The following NRP1 variants were observed in gnomAD, a reference collection of about 807,000 sequenced individuals.
The protein encoded by NRP1 is neuropilin-1.
NRP1 carries 35 observed loss-of-function variants against 106.7 expected under a neutral mutation model. The ratio of observed to expected loss-of-function variants is 0.33; its 90% CI spans 0.25 to 0.43. The LOEUF (loss-of-function observed/expected upper bound fraction) is 0.43. Ranked by LOEUF, NRP1 falls within the 20% of genes least tolerant of loss-of-function variation. The probability of loss-of-function intolerance (pLI) is 1.00; values close to 1 mark genes in which losing one functional copy is unlikely to be tolerated. For synonymous variants in NRP1, 437 were observed against 417.9 expected, an observed-to-expected ratio of 1.05 and a Z score of -0.56; for missense variants, 1,024 against 1,170.4, an observed-to-expected ratio of 0.87 and a Z score of 1.83.
chr10:33,305,915 C>T (rs1846120619), intron 2 of NRP1, among the ~76,000 whole-genome samples: 1 of 151,960 alleles, frequency 6.6e-6, no homozygotes, highest in South Asian at 2.1e-4. Context: ...ACTACAGGCA[C>T]ATACCACCAC....
At chr10:33,187,615 G>A (rs933389935) in intron 13 of NRP1, among the ~76,000 whole-genome samples, 10 of 152,066 alleles carry the variant, frequency 6.6e-5, no homozygotes, top group African/African-American at 1.5e-4. Context: ...CCCCCACTGG[G>A]AACATTTCCT....
chr10:33,323,399 C>A (rs1847662403), intron 2 of NRP1, among the ~76,000 whole-genome samples: 1 of 152,090 alleles, frequency 6.6e-6, no homozygotes, highest in South Asian at 2.1e-4. Context: ...TCTCCATGAA[C>A]TTGAACTCTA....
At chr10:33,300,712 C>T (rs748230341) in intron 2 of NRP1, among the ~76,000 whole-genome samples, 34 of 152,172 alleles carry the variant, frequency 2.2e-4, no homozygotes, top group Non-Finnish European at 4.7e-4. Context: ...AGAGGCTAGT[C>T]AGAAACTCAA....
At chr10:33,239,666 A>T (rs988538768) in intron 6 of NRP1, among the ~76,000 whole-genome samples, 2 of 152,156 alleles carry the variant, frequency 1.3e-5, no homozygotes, top group Non-Finnish European at 2.9e-5. Flanking sequence ...CTTTTTATTT[A>T]TTTCTCAAAT....
At chr10:33,196,591 T>A (rs1836802611) in intron 12 of NRP1, among the ~76,000 whole-genome samples, 1 of 152,214 alleles carries the variant, frequency 6.6e-6, no homozygotes, top group Non-Finnish European at 1.5e-5. Flanking sequence ...TTCTGTTTCA[T>A]CTCTTGGTTT....
intron 3 of NRP1, among the ~76,000 whole-genome samples, chr10:33,266,038 A>C (rs1259843375): frequency 6.6e-6 from 1 of 152,018 alleles, no homozygotes; most frequent in Non-Finnish European, 1.5e-5. Context: ...TGGGGAAAAA[A>C]CCGCTTTGGC....
At chr10:33,311,426 G>A (rs1362810152) in intron 2 of NRP1, among the ~76,000 whole-genome samples, 1 of 152,188 alleles carries the variant, frequency 6.6e-6, no homozygotes, top group East Asian at 1.9e-4. Flanking sequence ...GAGGCCACTC[G>A]GAGAACAGCC....
chr10:33,182,580 T>C, intron 16 of NRP1, 118 bp downstream of exon 16: 1 of 708,844 alleles, frequency 1.4e-6, no homozygotes, highest in Non-Finnish European at 2.4e-6. Context: ...TGGGCATAGA[T>C]GTTTTTTATT....
chr10:33,330,976 A>G (rs1046402127), intron 1 of NRP1, 94 bp from the exon 2 acceptor site: 2 of 1,168,130 alleles, frequency 1.7e-6, no homozygotes, highest in South Asian at 1.6e-5. Flanking sequence ...AACATTCCTT[A>G]ACTTTTTAAG....
chr10:33,179,768 G>GGAGA lies in NRP1; in HGVS notation c.*304_*307dup, dbSNP rs142405266. On this transcript the variant is annotated 3_prime_UTR_variant, in exon 17 of 17. Transcript: ENST00000374867. ...CCAAAAAGAATCCACAAAGGGGAGAGGAGAGAGAGAGAGAGGGGCAGGAGG... is the reference window on the plus strand; with the variant it reads ...CCAAAAAGAATCCACAAAGGGGAGAGGAGAGAGAGAGAGAGAGAGGGGCAGGAGG... 6.7e-6 allele frequency: 2 copies of GGAGA among 300,636 alleles called. No homozygotes were observed. The highest frequency in any genetic ancestry group is 9.2e-5 in the Admixed American group (2 of 21,736). The allele number at this position is 300,636 out of a possible 1,614,324, so 18.6% of individuals were successfully genotyped here.
chr10:33,296,600 G>C (rs1845403479), intron 2 of NRP1, among the ~76,000 whole-genome samples: 1 of 152,144 alleles, frequency 6.6e-6, no homozygotes, highest in African/African-American at 2.4e-5. Context: ...CTTCAGAGGG[G>C]ATGGGAAAAG....
chr10:33,261,339 A>G (rs1264901360), intron 4 of NRP1, among the ~76,000 whole-genome samples: 1 of 152,238 alleles, frequency 6.6e-6, no homozygotes, highest in East Asian at 1.9e-4. Context: ...CCTCTTCTTC[A>G]GATGTCAATT....
At chr10:33,289,245 A>G (rs1418064193) in intron 2 of NRP1, among the ~76,000 whole-genome samples, 1 of 152,166 alleles carries the variant, frequency 6.6e-6, no homozygotes, top group African/African-American at 2.4e-5. Context: ...TTTTGTTCCA[A>G]TTACATTAAA....
Position 33,218,531 on chromosome 10 carries a change from G to T in NRP1, c.1282+3188C>A, listed in dbSNP as rs190270758. Among the ~76,000 whole-genome samples, 1,081 of 152,028 alleles carry T rather than the reference G, an allele frequency of 7.1e-3. 10 individuals carry two copies. Among genetic ancestry groups the T allele is most frequent in the African/African-American group, 0.025 (1,024 of 41,454 alleles). ...TGGGTAATTTTTTGTATTTTTAGTA[G>T]AGATGGGGTTTCACTGTGTTAGCCA... On this transcript the variant is annotated intron_variant, in intron 8 of 16. Coordinates refer to ENST00000374867, the MANE Select transcript of NRP1 (RefSeq NM_003873.7).
At chr10:33,326,611 A>G (rs1847906633) in intron 2 of NRP1, among the ~76,000 whole-genome samples, 1 of 152,194 alleles carries the variant, frequency 6.6e-6, no homozygotes, top group Admixed American at 6.5e-5. Flanking sequence ...CTGTTGATCG[A>G]CTGATTTACA....
At chr10:33,321,243 C>T (rs544381494) in intron 2 of NRP1, among the ~76,000 whole-genome samples, 2 of 152,270 alleles carry the variant, frequency 1.3e-5, no homozygotes, top group African/African-American at 2.4e-5. Context: ...GCCTTGGCCT[C>T]GCAAAATGCT....
At chr10:33,216,766 G>T (rs1436943604) in intron 8 of NRP1, among the ~76,000 whole-genome samples, 1 of 152,102 alleles carries the variant, frequency 6.6e-6, no homozygotes, top group Admixed American at 6.6e-5. Context: ...AGCACATTTA[G>T]TTCTTTGGAA....
rs1838478888 is a variant in NRP1 at position 33,213,416 on chromosome 10, C to T, written c.1584G>A (p.Met528Ile). Reference protein sequence around the residue: ...GYSNNGSDWKMIMDDSKRKAK... With the variant: ...GYSNNGSDWKIIMDDSKRKAK... Reference sequence around the variant, plus strand: ...CCTTGCGTTTGCTGTCATCCATGATCATCTTCCAGTCCGAGCCGTTGTTGC... The same window carrying T: ...CCTTGCGTTTGCTGTCATCCATGATTATCTTCCAGTCCGAGCCGTTGTTGC... The change falls in exon 9 of 17, where the codon ATG becomes ATA. Residue 528 changes from methionine (M) to isoleucine (I), a missense_variant. Transcript: ENST00000374867. 1 of 1,614,046 alleles carries T rather than the reference C, an allele frequency of 6.2e-7. No individual in the cohort carries two copies. The highest frequency in any genetic ancestry group is 2.2e-5 in the East Asian group (1 of 44,860).
intron 2 of NRP1, among the ~76,000 whole-genome samples, chr10:33,328,261 T>C (rs898816883): frequency 1.3e-5 from 2 of 152,122 alleles, no homozygotes; most frequent in Non-Finnish European, 2.9e-5. Flanking sequence ...CCTGACACCA[T>C]GATATGACAA....
Sources: gnomAD v4.1 joint callset for allele counts (sites outside exome capture counted in the v4.1 genomes callset) on GRCh38, gnomAD v4.1.1 for gene constraint, MANE v1.5 for transcripts, NCBI Gene and HGNC (gene_info 2026-07-23, HGNC 2026-07-21) for gene names.